The following SDHA variants were observed in gnomAD, a reference collection of about 807,000 sequenced individuals.
The protein encoded by SDHA is succinate dehydrogenase [ubiquinone] flavoprotein subunit, mitochondrial.
A neutral mutation model predicts 78.4 loss-of-function variants in SDHA; 48 were observed. The observed-to-expected ratio is 0.61, with a 90% CI of 0.49 to 0.78. The LOEUF is 0.78. Among genes scored for constraint, SDHA ranks in the 30% least tolerant of loss-of-function variants. The probability of loss-of-function intolerance (pLI) is 0.00; values close to 1 mark genes in which losing one functional copy is unlikely to be tolerated. For missense variants in SDHA, 680 were observed against 892.7 expected, an observed-to-expected ratio of 0.76 and a Z score of 3.04; for synonymous variants, 326 against 353.9, an observed-to-expected ratio of 0.92 and a Z score of 0.88.
intron 5 of SDHA, among the ~76,000 whole-genome samples, chr5:226,928 C>CAA (rs554077502): frequency 0.076 from 6,243 of 82,360 alleles, 279 homozygotes; most frequent in Non-Finnish European, 0.12. Flanking sequence ...GACTCCATCT[C>CAA]AAAAAAAAAA....
intron 11 of SDHA, among the ~76,000 whole-genome samples, chr5:243,349 GCTTGT>G (rs978048342): frequency 7.3e-6 from 1 of 137,248 alleles, no homozygotes; most frequent in African/African-American, 3.4e-5. Flanking sequence ...TCTTACTTGA[GCTTGT>G]CTAACTCCTG....
At chr5:252,910 C>T (rs1736946490) in intron 13 of SDHA, 1 of 152,558 alleles carries the variant, frequency 6.6e-6, no homozygotes, top group South Asian at 2.1e-4. Flanking sequence ...GAGTAAGTCA[C>T]CATTTCAGAC....
At chr5:268,497 A>G in the SDHA span, among the ~76,000 whole-genome samples, 35 of 152,116 alleles carry the variant, frequency 2.3e-4, no homozygotes, top group Non-Finnish European at 3.4e-4. Flanking sequence ...TTAATTTCAT[A>G]GTAATTAACC....
intron 11 of SDHA, among the ~76,000 whole-genome samples, chr5:241,385 C>T (rs1186153149): frequency 2.0e-5 from 3 of 152,170 alleles, no homozygotes; most frequent in Admixed American, 6.5e-5. Flanking sequence ...TCCAGCAGCT[C>T]GGAAATGTCT....
chr5:250,886 T>C (rs556370251), intron 11 of SDHA, 106 bp from the exon 12 acceptor site: 187 of 957,158 alleles, frequency 2.0e-4, no homozygotes, highest in Admixed American at 2.9e-4. Flanking sequence ...GTTTAATTTA[T>C]GTAACTTTTA....
intron 1 of SDHA, among the ~76,000 whole-genome samples, chr5:218,676 C>T (rs1445056379): frequency 1.3e-5 from 2 of 152,202 alleles, no homozygotes; most frequent in African/African-American, 2.4e-5. Flanking sequence ...TGCTGGGCGT[C>T]CCCTCCGCCG....
intron 6 of SDHA, among the ~76,000 whole-genome samples, chr5:230,630 T>C (rs185839133): frequency 2.9e-5 from 4 of 137,382 alleles, no homozygotes; most frequent in East Asian, 3.9e-4. Context: ...TATCTCAAAA[T>C]AAATAAATAA....
At chr5:223,990 A>AT (rs59832169) in intron 2 of SDHA, among the ~76,000 whole-genome samples, 36,524 of 152,034 alleles carry the variant, frequency 0.24, 6,840 homozygotes, top group African/African-American at 0.52. Flanking sequence ...TAGTGAGCCT[A>AT]TCTCTGTTGA....
intron 1 of SDHA, among the ~76,000 whole-genome samples, chr5:221,395 G>A (rs1734706320): frequency 1.3e-5 from 2 of 152,126 alleles, no homozygotes; most frequent in South Asian, 4.1e-4. Flanking sequence ...TGATACAGTC[G>A]TGCGTTTTTA....
At chr5:236,171 C>G in intron 9 of SDHA, 1 of 489,868 alleles carries the variant, frequency 2.0e-6, no homozygotes, top group Non-Finnish European at 3.8e-6. Flanking sequence ...ATTACAGGCA[C>G]CCGCCATTAT....
the SDHA span, among the ~76,000 whole-genome samples, chr5:266,897 C>T: frequency 6.8e-4 from 64 of 93,776 alleles, 2 homozygotes; most frequent in African/African-American, 3.6e-3. Flanking sequence ...TATTCAGTCC[C>T]GTGCAGTAGA....
chr5:251,548 C>T, intron 13 of SDHA, 80 bp downstream of exon 13: 7 of 1,606,548 alleles, frequency 4.4e-6, no homozygotes, highest in Non-Finnish European at 5.9e-6. Flanking sequence ...TGCATTTTCT[C>T]TGCATTTTCT....
chr5:233,921 A>G, intron 8 of SDHA: 1 of 430,884 alleles, frequency 2.3e-6, no homozygotes, highest in South Asian at 2.2e-5. Context: ...CACACACCCA[A>G]CCTGAAGTCG....
chr5:237,955 T>A (rs1306292484), intron 10 of SDHA, among the ~76,000 whole-genome samples: 1 of 136,308 alleles, frequency 7.3e-6, no homozygotes, highest in Non-Finnish European at 1.5e-5. Flanking sequence ...CAGGTAGTGC[T>A]TGTCTCACTC....
At position 256,320 on chromosome 5, in the gene SDHA, C is replaced by G; in HGVS notation, c.1909-14C>G. The stretch of plus-strand genomic sequence containing the variant: ...ATTTTTGTGCTTAACTTACCACTGA[C>G]TCTTCTTTTCAAGGTCACTCTGGAA... On this transcript the variant is annotated splice_polypyrimidine_tract_variant and intron_variant, in intron 14 of 14. Transcript: ENST00000264932. The G allele has an allele frequency of 1.1e-6, 1 of 940,200 alleles. No homozygotes were observed. Among genetic ancestry groups the G allele is most frequent in the Non-Finnish European group, 1.6e-6 (1 of 620,726 alleles). 58.2% of individuals were successfully genotyped at this position (940,200 alleles called of 1,614,324 possible). A position where few individuals can be genotyped will look rare whatever the true frequency, so the allele number is the denominator to read the frequency against.
intron 11 of SDHA, among the ~76,000 whole-genome samples, chr5:245,177 T>C (rs60251075): frequency 0.24 from 36,649 of 152,106 alleles, 6,861 homozygotes; most frequent in African/African-American, 0.53. Flanking sequence ...TGTAATTCTT[T>C]GGTTTTCTTA....
chr5:260,782 A>G (rs796790523), downstream of SDHA, among the ~76,000 whole-genome samples: 1 of 5,268 alleles, frequency 1.9e-4, no homozygotes, highest in East Asian at 1.9e-3. Flanking sequence ...CCGCCTCCCG[A>G]CAGAGCATTA....
chr5:232,895 T>C (rs1735507739), intron 7 of SDHA, among the ~76,000 whole-genome samples: 1 of 152,194 alleles, frequency 6.6e-6, no homozygotes, highest in African/African-American at 2.4e-5. Context: ...TTGAGCTCTG[T>C]CCTCAGCTGC....
intron 11 of SDHA, among the ~76,000 whole-genome samples, chr5:246,844 T>G (rs1201070228): frequency 1.3e-5 from 2 of 152,250 alleles, no homozygotes; most frequent in Non-Finnish European, 2.9e-5. Context: ...TGGGAGAACT[T>G]GGATTGTTAA....
Sources: allele counts gnomAD v4.1 joint callset (sites outside exome capture counted in the v4.1 genomes callset), GRCh38; gene constraint gnomAD v4.1.1; transcripts MANE v1.5; gene names NCBI Gene and HGNC (gene_info 2026-07-23, HGNC 2026-07-21).